Variants in MBD5 observed in about 807,000 individuals in gnomAD.
MBD5 encodes the protein methyl-CpG-binding domain protein 5.
Under a neutral mutation model 117.3 loss-of-function variants are expected in MBD5, and 13 were observed. The ratio of observed to expected loss-of-function variants is 0.11; its 90% CI spans 0.07 to 0.18. MBD5 has a LOEUF of 0.18. MBD5 is among the 10% of genes least tolerant of loss of function. The pLI, the probability that MBD5 is intolerant of heterozygous loss-of-function variation, is 1.00. For missense variants in MBD5, 1,879 were observed against 2,093.8 expected (o/e 0.90, Z 2.00); for synonymous variants, 727 against 766.4 (o/e 0.95, Z 0.85).
chr2:148,516,796 TA>T lies in MBD5; in HGVS notation c.*3856del, dbSNP rs1682351770. On this transcript the variant is annotated 3_prime_UTR_variant, in exon 14 of 14. Transcript: ENST00000642680. Reference sequence around the variant, plus strand: ...TCTGCATTTATACACACTGTGTGTGTACCTCAGTGACCTTTTATAAACCGGA... The same window carrying T: ...TCTGCATTTATACACACTGTGTGTGTCCTCAGTGACCTTTTATAAACCGGA... The T allele has an allele frequency of 6.6e-6, 1 of 152,244 alleles. No homozygotes were observed. The highest frequency in any genetic ancestry group is 1.5e-5 in the Non-Finnish European group (1 of 68,040). 9.4% of individuals were successfully genotyped at this position (152,244 alleles called of 1,614,324 possible). A position where few individuals can be genotyped will look rare whatever the true frequency, so the allele number is the denominator to read the frequency against.
chr2:148,229,089 GT>G (rs978124524), intron 2 of MBD5, among the ~76,000 whole-genome samples: 33 of 151,582 alleles, frequency 2.2e-4, no homozygotes, highest in African/African-American at 7.3e-4. Flanking sequence ...TTTTTGAAGG[GT>G]TTTTTTGTCT....
chr2:148,267,952 C>CGT (rs1700896579), intron 3 of MBD5, among the ~76,000 whole-genome samples: 1 of 127,280 alleles, frequency 7.9e-6, no homozygotes, highest in Non-Finnish European at 1.7e-5. Flanking sequence ...TCTTTTTTTT[C>CGT]TTTTTTTTTT....
intron 1 of MBD5, among the ~76,000 whole-genome samples, chr2:148,137,924 C>A (rs1224402827): frequency 6.6e-6 from 1 of 152,140 alleles, no homozygotes; most frequent in East Asian, 1.9e-4. Context: ...GCTATATCAT[C>A]TGGGGTTTTT....
At chr2:148,198,437 AT>A (rs1699050449) in intron 2 of MBD5, among the ~76,000 whole-genome samples, 1 of 152,186 alleles carries the variant, frequency 6.6e-6, no homozygotes, top group African/African-American at 2.4e-5. Context: ...AGTAAAGGAA[AT>A]AATGTACATA....
intron 4 of MBD5, among the ~76,000 whole-genome samples, chr2:148,357,682 A>C (rs1388041612): frequency 6.6e-6 from 1 of 151,990 alleles, no homozygotes; most frequent in Non-Finnish European, 1.5e-5. Flanking sequence ...ATGATGGTCC[A>C]CATGGGCTGG....
chr2:148,460,647 C>T (rs1176305829), intron 5 of MBD5, among the ~76,000 whole-genome samples: 1 of 152,138 alleles, frequency 6.6e-6, no homozygotes, highest in Non-Finnish European at 1.5e-5. Flanking sequence ...TAAGCTTTAT[C>T]TATGCTGTAA....
At chr2:148,290,178 G>T (rs561523753) in intron 3 of MBD5, among the ~76,000 whole-genome samples, 1 of 147,570 alleles carries the variant, frequency 6.8e-6, no homozygotes, top group Admixed American at 6.9e-5. Context: ...GGCTGATCTC[G>T]AATGCCTGAC....
At chr2:148,157,331 C>G (rs1335204128) in intron 1 of MBD5, among the ~76,000 whole-genome samples, 2 of 151,648 alleles carry the variant, frequency 1.3e-5, no homozygotes, top group Non-Finnish European at 2.9e-5. Flanking sequence ...TGTTTCCCTC[C>G]CTGTGTCCAT....
intron 4 of MBD5, among the ~76,000 whole-genome samples, chr2:148,415,439 T>G (rs1286475957): frequency 6.6e-6 from 1 of 152,096 alleles, no homozygotes; most frequent in Non-Finnish European, 1.5e-5. Context: ...TGAGGCTGTG[T>G]GTTGAGGATG....
chr2:148,152,392 G>A (rs1697704838), intron 1 of MBD5, among the ~76,000 whole-genome samples: 1 of 152,112 alleles, frequency 6.6e-6, no homozygotes, highest in South Asian at 2.1e-4. Flanking sequence ...GTGTGGTGCG[G>A]TGCTGAAAAA....
chr2:148,258,459 C>T (rs1396735332), intron 3 of MBD5, among the ~76,000 whole-genome samples: 3 of 152,140 alleles, frequency 2.0e-5, no homozygotes, highest in Non-Finnish European at 4.4e-5. Flanking sequence ...CTGCACCCAC[C>T]GTACATTGGT....
intron 1 of MBD5, among the ~76,000 whole-genome samples, chr2:148,155,990 C>T (rs1288512057): frequency 6.6e-6 from 1 of 152,144 alleles, no homozygotes; most frequent in Admixed American, 6.5e-5. Flanking sequence ...GAAGGGACCA[C>T]TTGTACAAAT....
intron 3 of MBD5, among the ~76,000 whole-genome samples, chr2:148,337,513 T>C (rs1377084651): frequency 1.3e-5 from 2 of 152,190 alleles, no homozygotes; most frequent in Non-Finnish European, 1.5e-5. Flanking sequence ...TGGAAATTTA[T>C]GTGTAGCATG....
rs140484901 is a variant in MBD5 at position 148,491,759 on chromosome 2, C to T, written c.4962+1165C>T. Among the ~76,000 whole-genome samples, 44 of 152,004 alleles carry T rather than the reference C, an allele frequency of 2.9e-4. No homozygotes were observed. The East Asian group carries it at 7.2e-3, about 25-fold the overall frequency. ...TTCACAAAATATTTTATTCTCTATA[C>T]TCTCTGAGTTCAGACAAACATTCTT... On this transcript the variant is annotated intron_variant, in intron 11 of 13. Transcript: ENST00000642680.
chr2:148,437,798 T>C (rs1706198563), intron 4 of MBD5, among the ~76,000 whole-genome samples: 1 of 152,180 alleles, frequency 6.6e-6, no homozygotes, highest in South Asian at 2.1e-4. Context: ...CTATGGTTGG[T>C]AATTGTTTGC....
chr2:148,170,055 A>G (rs1007067750), intron 1 of MBD5, among the ~76,000 whole-genome samples: 2 of 151,616 alleles, frequency 1.3e-5, no homozygotes, highest in Non-Finnish European at 2.9e-5. Context: ...CCACCAACAC[A>G]CCTGGCTAAT....
chr2:148,478,661 G>A (rs940460), intron 8 of MBD5, among the ~76,000 whole-genome samples: 8,346 of 152,170 alleles, frequency 0.055, 340 homozygotes, highest in African/African-American at 0.11. Context: ...ATGAGATCTC[G>A]CACCAAAGTT....
chr2:148,293,906 G>A (rs775099179), intron 3 of MBD5, among the ~76,000 whole-genome samples: 27 of 152,176 alleles, frequency 1.8e-4, no homozygotes, highest in Admixed American at 7.9e-4. Flanking sequence ...ATATGTGATA[G>A]ACCCACAGTA....
At chr2:148,216,522 T>G (rs1410337296) in intron 2 of MBD5, among the ~76,000 whole-genome samples, 2 of 152,222 alleles carry the variant, frequency 1.3e-5, no homozygotes, top group Admixed American at 6.5e-5. Flanking sequence ...CATGTCCAGA[T>G]AGCTTGAATA....
Sources: gnomAD v4.1 joint callset for allele counts (sites outside exome capture counted in the v4.1 genomes callset) on GRCh38, gnomAD v4.1.1 for gene constraint, MANE v1.5 for transcripts, NCBI Gene and HGNC (gene_info 2026-07-23, HGNC 2026-07-21) for gene names.